The following LTBP1 variants were observed in gnomAD, a reference collection of about 807,000 sequenced individuals.
The protein encoded by LTBP1 is latent-transforming growth factor beta-binding protein 1.
A neutral mutation model predicts 207.6 loss-of-function variants in LTBP1; 129 were observed. That is an observed-to-expected ratio of 0.62 (90% CI 0.54 to 0.72). The LOEUF (loss-of-function observed/expected upper bound fraction) is 0.72, where lower values mean the gene tolerates loss of function less well. LTBP1 is among the 30% of genes least tolerant of loss of function. LTBP1 has a pLI of 0.00. For missense variants in LTBP1, 2,281 were observed against 2,217.2 expected, an observed-to-expected ratio of 1.03 and a Z score of -0.58; for synonymous variants, 963 against 833.7, an observed-to-expected ratio of 1.16 and a Z score of -2.67.
At chr2:32,952,317 C>A (rs978061681) in intron 2 of LTBP1, among the ~76,000 whole-genome samples, 8 of 152,230 alleles carry the variant, frequency 5.3e-5, no homozygotes, top group African/African-American at 1.9e-4. Flanking sequence ...TATGTGCACT[C>A]ACCAAAGTGG....
intron 23 of LTBP1, among the ~76,000 whole-genome samples, chr2:33,313,144 A>G (rs562848014): frequency 2.6e-5 from 4 of 152,374 alleles, no homozygotes; most frequent in Admixed American, 6.5e-5. Flanking sequence ...TGAGAAATAC[A>G]TAAGTAGAAA....
intron 5 of LTBP1, among the ~76,000 whole-genome samples, chr2:33,184,504 C>G (rs2086980753): frequency 6.6e-6 from 1 of 152,176 alleles, no homozygotes; most frequent in South Asian, 2.1e-4. Flanking sequence ...TGAATCTTGA[C>G]CAGTTTCAAA....
At chr2:33,073,502 A>G (rs968152824) in intron 3 of LTBP1, among the ~76,000 whole-genome samples, 4 of 152,172 alleles carry the variant, frequency 2.6e-5, no homozygotes, top group Admixed American at 6.5e-5. Flanking sequence ...CTTTTTGAAG[A>G]AACCTATCAT....
In LTBP1 at chr2:33,188,679, A is replaced by G. The variant is rs374101802; in HGVS notation, c.1529A>G (p.Lys510Arg). Reference sequence around the variant, plus strand: ...AGAATTGATGGCCCAACAGGCCAGAAGACAAAAGAAGCTCAACCAGGCCAA... The same window carrying G: ...AGAATTGATGGCCCAACAGGCCAGAGGACAAAAGAAGCTCAACCAGGCCAA... ...VSRIDGPTGQ[K>R]TKEAQPGQSQ... The change falls in exon 7 of 34, where the codon AAG becomes AGG. Residue 510 changes from lysine (K) to arginine (R), a missense_variant. Physicochemically the swap from Lys to Arg is conservative, Grantham distance 26 (BLOSUM62 2). Transcript: ENST00000404816. The G allele has an allele frequency of 3.1e-6, 5 of 1,614,068 alleles. No individual in the cohort carries two copies. Among genetic ancestry groups the G allele is most frequent in the Non-Finnish European group, 3.4e-6 (4 of 1,180,038 alleles).
chr2:33,013,835 C>T (rs1052552676), intron 2 of LTBP1, among the ~76,000 whole-genome samples: 1 of 152,094 alleles, frequency 6.6e-6, no homozygotes, highest in Non-Finnish European at 1.5e-5. Context: ...GAACACAGCT[C>T]TTGGGGAGCT....
intron 5 of LTBP1, among the ~76,000 whole-genome samples, chr2:33,159,091 C>A (rs1558726035): frequency 6.6e-6 from 1 of 152,148 alleles, no homozygotes; most frequent in Non-Finnish European, 1.5e-5. Context: ...CTAATCTCAG[C>A]CCTGTATGTG....
At position 33,323,708 on chromosome 2, in the gene LTBP1, C is replaced by T. The variant is rs551882311; in HGVS notation, c.3730+8439C>T. Reference sequence around the variant, plus strand: ...ATCTGTAATTAGTTGGGGCACAATACGCATTTGGCAAATGAATCAAGGGAG... The same window carrying T: ...ATCTGTAATTAGTTGGGGCACAATATGCATTTGGCAAATGAATCAAGGGAG... On this transcript the variant is annotated intron_variant, in intron 24 of 33. Coordinates refer to ENST00000404816, the MANE Select transcript of LTBP1 (RefSeq NM_206943.4). 3.3e-5 allele frequency among the ~76,000 whole-genome samples: 5 copies of T among 152,242 alleles called. No homozygotes were observed. The South Asian group carries it at 8.3e-4, about 25-fold the overall frequency.
intron 24 of LTBP1, among the ~76,000 whole-genome samples, chr2:33,331,531 T>C (rs143997020): frequency 0.025 from 3,747 of 152,254 alleles, 75 homozygotes; most frequent in Non-Finnish European, 0.039. Flanking sequence ...TGGTTAACTT[T>C]TTGTTACTGG....
At chr2:33,019,753 C>G (rs898509552) in intron 2 of LTBP1, among the ~76,000 whole-genome samples, 4 of 152,086 alleles carry the variant, frequency 2.6e-5, no homozygotes, top group Admixed American at 1.3e-4. Context: ...GGGTTACATT[C>G]TGTTGCTTAG....
In LTBP1 at chr2:33,137,224, A is replaced by T. The variant is rs946838145; in HGVS notation, c.1201+2264A>T. ...GTAATTTTATTATTTGCAAAAAGTG[A>T]TTTTCTGATTTTTTTCTTCTCTCTT... On this transcript the variant is annotated intron_variant, in intron 5 of 33. Coordinates refer to ENST00000404816, the MANE Select transcript of LTBP1 (RefSeq NM_206943.4). 6.6e-5 allele frequency among the ~76,000 whole-genome samples: 10 copies of T among 152,248 alleles called. No individual in the cohort carries two copies. In the South Asian group the frequency reaches 1.9e-3, roughly 28 times the overall value.
At chr2:33,053,015 T>TTACAGGC in intron 3 of LTBP1, among the ~76,000 whole-genome samples, 1 of 152,040 alleles carries the variant, frequency 6.6e-6, no homozygotes, top group Non-Finnish European at 1.5e-5. Flanking sequence ...GGATTACAGG[T>TTACAGGC]GCATACCACC....
chr2:33,244,084 T>C (rs552546621), intron 10 of LTBP1, among the ~76,000 whole-genome samples: 2 of 152,284 alleles, frequency 1.3e-5, no homozygotes, highest in Admixed American at 6.5e-5. Context: ...AAAATGGACA[T>C]ATCAAACTTT....
chr2:33,033,994 C>T (rs534972971), intron 3 of LTBP1, among the ~76,000 whole-genome samples: 24 of 152,262 alleles, frequency 1.6e-4, no homozygotes, highest in East Asian at 3.9e-4. Context: ...ACCCCCTCCC[C>T]GGCTCCCTGG....
chr2:33,169,941 A>G (rs1293290145), intron 5 of LTBP1, among the ~76,000 whole-genome samples: 2 of 152,268 alleles, frequency 1.3e-5, no homozygotes, highest in Non-Finnish European at 2.9e-5. Context: ...ATCAGATAGT[A>G]AGAAAAATAT....
intron 5 of LTBP1, among the ~76,000 whole-genome samples, 174 bp downstream of exon 5, chr2:33,135,134 C>G (rs1371289481): frequency 4.6e-5 from 7 of 152,104 alleles, no homozygotes; most frequent in Admixed American, 1.3e-4. Flanking sequence ...AATTTTTAAC[C>G]TGATTCTTGG....
intron 5 of LTBP1, among the ~76,000 whole-genome samples, chr2:33,162,404 A>G (rs936658936): frequency 3.3e-5 from 5 of 152,284 alleles, no homozygotes; most frequent in African/African-American, 1.2e-4. Flanking sequence ...AATCCTCTCA[A>G]TCTCTGGGCA....
intron 3 of LTBP1, among the ~76,000 whole-genome samples, chr2:33,037,183 T>C (rs201478346): frequency 6.6e-6 from 1 of 150,930 alleles, no homozygotes; most frequent in Non-Finnish European, 1.5e-5. Flanking sequence ...ATAAAAAAAA[T>C]TATAAAAAAC....
intron 31 of LTBP1, among the ~76,000 whole-genome samples, chr2:33,387,499 C>T (rs72861497): frequency 0.042 from 6,363 of 152,256 alleles, 463 homozygotes; most frequent in African/African-American, 0.15. Context: ...GATGTTGTTC[C>T]TGGAATGCTT....
At chr2:33,319,658 G>A (rs1369059164) in intron 24 of LTBP1, among the ~76,000 whole-genome samples, 1 of 152,116 alleles carries the variant, frequency 6.6e-6, no homozygotes, top group Non-Finnish European at 1.5e-5. Flanking sequence ...TGCCCAGGCT[G>A]AGCAAGGGCT....
Sources: allele counts gnomAD v4.1 joint callset (sites outside exome capture counted in the v4.1 genomes callset), GRCh38; gene constraint gnomAD v4.1.1; transcripts MANE v1.5; gene names NCBI Gene and HGNC (gene_info 2026-07-23, HGNC 2026-07-21).